PKD2: variants seen among roughly 807,000 people sequenced by gnomAD.
PKD2 encodes polycystin-2.
PKD2 carries 48 observed loss-of-function variants against 105.9 expected under a neutral mutation model. The observed-to-expected ratio is 0.45, with a 90% confidence interval of 0.36 to 0.58. The LOEUF (loss-of-function observed/expected upper bound fraction) is 0.58, where lower values mean the gene tolerates loss of function less well. Ranked by LOEUF, PKD2 falls within the 20% of genes least tolerant of loss-of-function variation. The pLI, the probability that PKD2 is intolerant of heterozygous loss-of-function variation, is 0.00. For missense variants in PKD2, 1,078 were observed against 1,255.3 expected, an observed-to-expected ratio of 0.86 and a Z score of 2.13; for synonymous variants, 464 against 481.1, an observed-to-expected ratio of 0.96 and a Z score of 0.46.
At chr4:88,019,247 G>A (rs1726662135) in intron 1 of PKD2, among the ~76,000 whole-genome samples, 1 of 151,284 alleles carries the variant, frequency 6.6e-6, no homozygotes, top group Admixed American at 6.6e-5. Flanking sequence ...TTGCATGTTT[G>A]GGGTAACATT....
intron 1 of PKD2, 143 bp downstream of exon 1, chr4:88,008,471 C>T: frequency 9.2e-7 from 1 of 1,082,454 alleles, no homozygotes; most frequent in Non-Finnish European, 1.2e-6. Flanking sequence ...CATTCCCCAC[C>T]TCCGCTAGTG....
Position 88,043,367 on chromosome 4 carries a change from A to G in PKD2, c.1229A>G (p.Lys410Arg), listed in dbSNP as rs780549139. 4.3e-6 allele frequency: 7 copies of G among 1,613,984 alleles called. No homozygotes were observed. In the East Asian group the frequency reaches 1.6e-4, roughly 36 times the overall value. ...ACAGCTGCACAAGTTGCTAGCCTCA[A>G]GAAAAATGTCTGGCTGGACCGAGGA... ...EETAAQVASL[K>R]KNVWLDRGTR... The change falls in exon 5 of 15, where the codon AAG becomes AGG. Residue 410 changes from lysine to arginine, a missense_variant. Physicochemically the swap from Lys to Arg is conservative, Grantham distance 26 (BLOSUM62 2). Transcript: ENST00000237596.
rs548122424 is a variant in PKD2, at chr4:88,019,429, C to A, written c.596-29C>A. 41 of 1,111,890 alleles carry A rather than the reference C, an allele frequency of 3.7e-5. No homozygotes were observed. The South Asian group carries it at 4.7e-4, about 13-fold the overall frequency. The allele number at this position is 1,111,890 out of a possible 1,614,324, so 68.9% of individuals were successfully genotyped here. A position where few individuals can be genotyped will look rare whatever the true frequency, so the allele number is the denominator to read the frequency against. ...TGAGATTTCTTAAATAAAATGATAT[C>A]TTTTCTTTTCTTCATTATTATTTTA... On this transcript the variant is annotated intron_variant, in intron 1 of 14. Coordinates refer to ENST00000237596, the MANE Select transcript of PKD2 (RefSeq NM_000297.4).
chr4:88,048,713 G>A (rs1280826183), intron 6 of PKD2, among the ~76,000 whole-genome samples: 1 of 152,130 alleles, frequency 6.6e-6, no homozygotes, highest in Non-Finnish European at 1.5e-5. Flanking sequence ...AGTTAGAAGT[G>A]CATCCCGTCT....
chr4:88,070,749 A>C (rs967309565), intron 13 of PKD2, among the ~76,000 whole-genome samples: 1 of 150,998 alleles, frequency 6.6e-6, no homozygotes, highest in East Asian at 2.0e-4. Context: ...CTCCTGCCTC[A>C]ACCTCCCAAG....
chr4:88,047,403 A>G (rs1425750145), intron 6 of PKD2, among the ~76,000 whole-genome samples: 2 of 151,968 alleles, frequency 1.3e-5, no homozygotes, highest in African/African-American at 2.4e-5. Context: ...CAAAAAAAAA[A>G]AAATTTAATT....
intron 13 of PKD2, among the ~76,000 whole-genome samples, chr4:88,070,333 A>G (rs1720963279): frequency 6.6e-6 from 1 of 151,842 alleles, no homozygotes; most frequent in Non-Finnish European, 1.5e-5. Flanking sequence ...CATCCTACTT[A>G]GAAAGTGTTT....
At chr4:88,062,995 A>G (rs919071011) in intron 10 of PKD2, among the ~76,000 whole-genome samples, 4 of 152,214 alleles carry the variant, frequency 2.6e-5, no homozygotes, top group Non-Finnish European at 4.4e-5. Context: ...TTCAAATTTC[A>G]GTTATCATAG....
At chr4:88,054,812 G>A (rs1453648037) in intron 7 of PKD2, among the ~76,000 whole-genome samples, 3 of 151,666 alleles carry the variant, frequency 2.0e-5, no homozygotes, top group Non-Finnish European at 4.4e-5. Flanking sequence ...CTGCCACCAC[G>A]CCCGGCTAAT....
At chr4:88,060,454 A>G (rs1720528475) in intron 9 of PKD2, among the ~76,000 whole-genome samples, 1 of 151,210 alleles carries the variant, frequency 6.6e-6, no homozygotes, top group Admixed American at 6.6e-5. Context: ...ATATATATAT[A>G]TATCATATAT....
At chr4:88,031,961 TA>T (rs1727173300) in intron 2 of PKD2, among the ~76,000 whole-genome samples, 1 of 152,190 alleles carries the variant, frequency 6.6e-6, no homozygotes, top group Non-Finnish European at 1.5e-5. Context: ...TAAAACCTTT[TA>T]AAAAATATTT....
chr4:88,056,879 A>G (rs901951255), intron 8 of PKD2, among the ~76,000 whole-genome samples: 28 of 152,258 alleles, frequency 1.8e-4, no homozygotes, highest in African/African-American at 6.8e-4. Flanking sequence ...GCTAAGACCC[A>G]GCACTGACAA....
In PKD2 at chr4:88,007,635, A is replaced by C; in HGVS notation, c.-99A>C. The C allele has an allele frequency of 1.4e-6, 1 of 733,422 alleles. No individual in the cohort carries two copies. The highest frequency in any genetic ancestry group is 1.7e-6 in the Non-Finnish European group (1 of 585,892). 45.4% of individuals were successfully genotyped at this position (733,422 alleles called of 1,614,324 possible). On this transcript the variant is annotated 5_prime_UTR_variant, in exon 1 of 15. Coordinates refer to ENST00000237596, the MANE Select transcript of PKD2 (RefSeq NM_000297.4). ...CGCGGGGAGGTCGGGGGCGGGGAGC[A>C]GGCGGCGGCGGGCGCCGGGAAGAAA...
Position 88,068,005 on chromosome 4 carries a change from T to G in PKD2, c.2466T>G (p.His822Gln). ...AGGATGACGATGAAGATAGCGGACA[T>G]AGCTCCAGAAGGAGGGGAAGCATTT... Reference protein sequence around the residue: ...SEEDDDEDSGHSSRRRGSISS... With the variant: ...SEEDDDEDSGQSSRRRGSISS... The change falls in exon 13 of 15, where the codon CAT becomes CAG. Residue 822 changes from histidine (H) to glutamine (Q), a missense_variant. Physicochemically the swap from His to Gln is conservative, Grantham distance 24 (BLOSUM62 0). Coordinates refer to ENST00000237596, the MANE Select transcript of PKD2 (RefSeq NM_000297.4). 6.2e-7 allele frequency: 1 copy of G among 1,614,094 alleles called. No homozygotes were observed.
intron 2 of PKD2, among the ~76,000 whole-genome samples, chr4:88,027,837 C>G (rs945070576): frequency 6.6e-6 from 1 of 152,148 alleles, no homozygotes; most frequent in African/African-American, 2.4e-5. Context: ...CTGGGCTTCC[C>G]CCTTTTCCCT....
chr4:88,042,974 C>T lies in PKD2; in HGVS notation c.1095-259C>T, dbSNP rs532901151. ...GCAGAGGCTCTAGGGACAAACAGCC[C>T]TGGCATTGGTTCCCGAGTCTGCCCT... is the stretch of plus-strand genomic sequence containing the variant. On this transcript the variant is annotated intron_variant, in intron 4 of 14. Coordinates refer to ENST00000237596, the MANE Select transcript of PKD2 (RefSeq NM_000297.4). 9.8e-5 allele frequency among the ~76,000 whole-genome samples: 15 copies of T among 152,298 alleles called. No individual in the cohort carries two copies. The South Asian group carries it at 2.7e-3, about 27-fold the overall frequency.
chr4:88,017,762 C>A (rs1225319001), intron 1 of PKD2, among the ~76,000 whole-genome samples: 1 of 152,120 alleles, frequency 6.6e-6, no homozygotes, highest in Non-Finnish European at 1.5e-5. Flanking sequence ...ATAGGCCAAG[C>A]AATACCACGT....
Position 88,065,406 on chromosome 4 carries a change from GA to G in PKD2, c.2159del (p.Asn720IlefsTer17), listed in dbSNP as rs757757289. ...YHKALVKLKL[K>X]KNTVDDISES... Reference sequence around the variant, plus strand: ...ATAAAGCTTTGGTCAAACTAAAACTGAAAAAAAATACCGTGGATGACATTTC... The same window carrying G: ...ATAAAGCTTTGGTCAAACTAAAACTGAAAAAAATACCGTGGATGACATTTC... On this transcript the variant is annotated frameshift_variant, in exon 11 of 15. Coordinates refer to ENST00000237596, the MANE Select transcript of PKD2 (RefSeq NM_000297.4). LOFTEE classifies it high-confidence loss of function. 6.8e-6 allele frequency: 11 copies of G among 1,610,908 alleles called. No individual in the cohort carries two copies. Among genetic ancestry groups the G allele is most frequent in the Non-Finnish European group, 8.5e-6 (10 of 1,177,572 alleles).
chr4:88,051,190 G>T (rs144071961), intron 6 of PKD2, among the ~76,000 whole-genome samples: 68 of 152,196 alleles, frequency 4.5e-4, no homozygotes, highest in African/African-American at 1.5e-3. Context: ...TTAAGGGACA[G>T]AAATGAGCAA....
Sources: allele counts gnomAD v4.1 joint callset (sites outside exome capture counted in the v4.1 genomes callset), GRCh38; gene constraint gnomAD v4.1.1; transcripts MANE v1.5; gene names NCBI Gene and HGNC (gene_info 2026-07-23, HGNC 2026-07-21).